GPHN: variants seen among roughly 807,000 people sequenced by gnomAD.
GPHN encodes gephyrin.
In GPHN, 17 loss-of-function variants were observed where a neutral mutation model predicts 95.5. That is an observed-to-expected ratio of 0.18 (90% CI 0.12 to 0.27). The LOEUF (loss-of-function observed/expected upper bound fraction) is 0.27. Ranked by LOEUF, GPHN falls within the 10% of genes least tolerant of loss-of-function variation. The pLI is 1.00. For synonymous variants in GPHN, 320 were observed against 322.5 expected, an observed-to-expected ratio of 0.99 and a Z score of 0.08; for missense variants, 660 against 978.1, an observed-to-expected ratio of 0.67 and a Z score of 4.34.
At chr14:66,534,828 A>T (rs1452859982) in intron 1 of GPHN, among the ~76,000 whole-genome samples, 1 of 152,094 alleles carries the variant, frequency 6.6e-6, no homozygotes, top group Non-Finnish European at 1.5e-5. Flanking sequence ...ACATATTTTA[A>T]AGTTATTCTG....
At chr14:66,781,262 G>C (rs1434461818) in intron 3 of GPHN, among the ~76,000 whole-genome samples, 1 of 151,016 alleles carries the variant, frequency 6.6e-6, no homozygotes, top group African/African-American at 2.4e-5. Flanking sequence ...TGTCGCCCGG[G>C]CTTGAGTGCA....
intron 10 of GPHN, among the ~76,000 whole-genome samples, chr14:67,053,707 A>G (rs1225386292): frequency 2.0e-5 from 3 of 152,220 alleles, no homozygotes; most frequent in Admixed American, 6.5e-5. Context: ...TGATGCAAAA[A>G]TTCTCAATAA....
the GPHN span, chr14:67,690,979 A>G: frequency 4.7e-6 from 3 of 638,880 alleles, no homozygotes; most frequent in Non-Finnish European, 8.4e-6. Flanking sequence ...AGCAGCCCTC[A>G]GGTATTCCTC....
chr14:67,047,334 T>TTGTG (rs778266656), intron 10 of GPHN, among the ~76,000 whole-genome samples: 6,529 of 109,556 alleles, frequency 0.06, 236 homozygotes, highest in Middle Eastern at 0.089. Flanking sequence ...GTGTGTGTGT[T>TTGTG]TGTGTGTGTG....
At chr14:67,151,298 C>T (rs1469401463) in intron 18 of GPHN, among the ~76,000 whole-genome samples, 1 of 152,192 alleles carries the variant, frequency 6.6e-6, no homozygotes, top group Non-Finnish European at 1.5e-5. Flanking sequence ...TATTTTCTTT[C>T]CTAGAGGGCA....
At chr14:67,193,420 T>G in the GPHN span, among the ~76,000 whole-genome samples, 3 of 142,236 alleles carry the variant, frequency 2.1e-5, no homozygotes, top group Middle Eastern at 5.2e-3. Context: ...TATATATCTA[T>G]ATTTATATCT....
At chr14:66,915,461 A>G (rs1019861021) in intron 5 of GPHN, among the ~76,000 whole-genome samples, 3 of 152,146 alleles carry the variant, frequency 2.0e-5, no homozygotes, top group Admixed American at 6.6e-5. Flanking sequence ...TCTCTGAAAG[A>G]TGTTTCTAGC....
the GPHN span, among the ~76,000 whole-genome samples, chr14:67,349,352 C>T: frequency 6.6e-6 from 1 of 152,128 alleles, no homozygotes; most frequent in South Asian, 2.1e-4. Flanking sequence ...TTTTAAAGTT[C>T]GTGGATTGCT....
At chr14:67,600,626 T>C in the GPHN span, among the ~76,000 whole-genome samples, 173 of 152,212 alleles carry the variant, frequency 1.1e-3, 7 homozygotes, top group East Asian at 0.024. Context: ...TGTTTTTGTT[T>C]TGAGACGGAA....
the GPHN span, among the ~76,000 whole-genome samples, chr14:67,207,891 C>T: frequency 6.6e-6 from 1 of 152,314 alleles, no homozygotes; most frequent in East Asian, 1.9e-4. Context: ...GGAAACTTTT[C>T]TTGTGCTGAC....
At chr14:67,464,566 C>T in the GPHN span, among the ~76,000 whole-genome samples, 2 of 152,124 alleles carry the variant, frequency 1.3e-5, no homozygotes, top group South Asian at 2.1e-4. Flanking sequence ...TCAAACTCTT[C>T]GAGCTCATTC....
the GPHN span, among the ~76,000 whole-genome samples, chr14:67,507,762 A>T: frequency 4.6e-5 from 7 of 152,182 alleles, no homozygotes; most frequent in Non-Finnish European, 8.8e-5. Flanking sequence ...CAAGACATAA[A>T]GGTTGCTCCC....
At chr14:67,423,235 G>C in the GPHN span, among the ~76,000 whole-genome samples, 1 of 152,100 alleles carries the variant, frequency 6.6e-6, no homozygotes, top group East Asian at 1.9e-4. Context: ...AAGGGGTTGG[G>C]GGAGGGCATT....
the GPHN span, among the ~76,000 whole-genome samples, chr14:67,283,590 C>T: frequency 6.6e-6 from 1 of 152,038 alleles, no homozygotes; most frequent in Non-Finnish European, 1.5e-5. Context: ...TTAGCCATTC[C>T]TTCAGGGAAT....
Position 66,880,199 on chromosome 14 carries a change from TA to T in GPHN, c.389+176del, listed in dbSNP as rs905258706. Reference sequence around the variant, plus strand: ...AATAAATATTACCTACTATCATTGTTAAAAAAAAAAGTTAATTCCATACCAC... The same window carrying T: ...AATAAATATTACCTACTATCATTGTTAAAAAAAAAGTTAATTCCATACCAC... On this transcript the variant is annotated intron_variant, in intron 5 of 22. Transcript: ENST00000478722. Among the ~76,000 whole-genome samples the T allele has an allele frequency of 9.7e-4, 145 of 149,356 alleles. 2 individuals carry two copies. The highest frequency in any genetic ancestry group is 1.9e-3 in the South Asian group (9 of 4,734).
At chr14:67,074,829 A>G (rs1276894408) in intron 11 of GPHN, among the ~76,000 whole-genome samples, 1 of 152,140 alleles carries the variant, frequency 6.6e-6, no homozygotes, top group African/African-American at 2.4e-5. Flanking sequence ...GAGGTGAAAA[A>G]GGTATAGAAG....
At chr14:66,860,211 T>G (rs2062971634) in intron 4 of GPHN, among the ~76,000 whole-genome samples, 1 of 151,828 alleles carries the variant, frequency 6.6e-6, no homozygotes, top group African/African-American at 2.4e-5. Context: ...AAAGAAAGAA[T>G]CCTAAAAGCA....
intron 1 of GPHN, among the ~76,000 whole-genome samples, chr14:66,631,061 T>C (rs1340731366): frequency 6.6e-6 from 1 of 151,730 alleles, no homozygotes; most frequent in Non-Finnish European, 1.5e-5. Context: ...TTTTTGTTTG[T>C]TTTTTTTGAG....
At chr14:66,801,545 C>A (rs1595945568) in intron 3 of GPHN, among the ~76,000 whole-genome samples, 1 of 151,906 alleles carries the variant, frequency 6.6e-6, no homozygotes, top group East Asian at 1.9e-4. Flanking sequence ...AGTCTTCTCT[C>A]ATTCTCTCTC....
Sources: gnomAD v4.1 joint callset for allele counts (sites outside exome capture counted in the v4.1 genomes callset) on GRCh38, gnomAD v4.1.1 for gene constraint, MANE v1.5 for transcripts, NCBI Gene and HGNC (gene_info 2026-07-23, HGNC 2026-07-21) for gene names.